Variants in AGMO observed in about 807,000 individuals in gnomAD.
AGMO encodes glyceryl-ether monooxygenase.
Under a neutral mutation model 60.2 loss-of-function variants are expected in AGMO, and 75 were observed. That is an observed-to-expected ratio of 1.25 (90% CI 1.03 to 1.51). The LOEUF is 1.51. Among genes scored for constraint, AGMO ranks in the 40% most tolerant of loss-of-function variants. AGMO has a pLI of 0.00. For synonymous variants in AGMO, 261 were observed against 177.1 expected (o/e 1.47, Z -3.76); for missense variants, 763 against 525.5 (o/e 1.45, Z -4.42).
rs573778663 is a variant in AGMO, at chr7:15,214,905, C to T, written c.1264-13546G>A. 8.5e-5 allele frequency among the ~76,000 whole-genome samples: 13 copies of T among 152,076 alleles called. No individual in the cohort carries two copies. The South Asian group carries it at 2.5e-3, about 29-fold the overall frequency. On this transcript the variant is annotated intron_variant, in intron 12 of 12. Coordinates refer to ENST00000342526, the MANE Select transcript of AGMO (RefSeq NM_001004320.2). ...ATAAAAAGCTTATTTTAAAGCAATG[C>T]TTTAACTGCCTACATCTTTTTGTAT...
intron 12 of AGMO, among the ~76,000 whole-genome samples, chr7:15,327,728 A>C (rs906239606): frequency 7.0e-6 from 1 of 143,288 alleles, no homozygotes; most frequent in African/African-American, 2.6e-5. Flanking sequence ...AAAATGATAA[A>C]CTGATTTCTT....
intron 12 of AGMO, among the ~76,000 whole-genome samples, chr7:15,296,406 A>G (rs942857985): frequency 5.3e-5 from 8 of 152,184 alleles, no homozygotes; most frequent in African/African-American, 1.4e-4. Context: ...TTTTCCAACT[A>G]GAAGCGTGAT....
In AGMO at chr7:15,266,294, C is replaced by T. The variant is rs558699439; in HGVS notation, c.1264-64935G>A. ...AGATGAAAAGAGTTCTGGAGATGGA[C>T]GGTGAAGATGGATGTTCATTATAAA... On this transcript the variant is annotated intron_variant, in intron 12 of 12. Coordinates refer to ENST00000342526, the MANE Select transcript of AGMO (RefSeq NM_001004320.2). Among the ~76,000 whole-genome samples the T allele has an allele frequency of 6.6e-5, 10 of 151,888 alleles. No homozygotes were observed. In the East Asian group the frequency reaches 1.7e-3, roughly 26 times the overall value.
chr7:15,433,320 A>G (rs1781308091), intron 3 of AGMO, among the ~76,000 whole-genome samples: 1 of 152,102 alleles, frequency 6.6e-6, no homozygotes. Flanking sequence ...AAAAGCATTT[A>G]CTTCCTATCA....
intron 12 of AGMO, among the ~76,000 whole-genome samples, chr7:15,240,417 C>G (rs1199247315): frequency 1.3e-5 from 2 of 152,116 alleles, no homozygotes; most frequent in Non-Finnish European, 2.9e-5. Context: ...GAAGCTGAAC[C>G]TACAGAGGAC....
chr7:15,215,364 CTCTTT>C (rs1781706667), intron 12 of AGMO, among the ~76,000 whole-genome samples: 1 of 151,832 alleles, frequency 6.6e-6, no homozygotes, highest in African/African-American at 2.4e-5. Flanking sequence ...TTTTTTTCCT[CTCTTT>C]TTTTTCTTTA....
At chr7:15,356,403 T>A (rs1015859973) in intron 12 of AGMO, among the ~76,000 whole-genome samples, 3 of 152,094 alleles carry the variant, frequency 2.0e-5, no homozygotes, top group Non-Finnish European at 4.4e-5. Flanking sequence ...AAATAAACAT[T>A]TTTGCAGAAA....
In AGMO at chr7:15,556,135, C is replaced by T. The variant is rs1258344153; in HGVS notation, c.257+4006G>A. ...CGTGCCAAGGCCCCTAGTATAAAAA[C>T]CCAGTATACAATTTTTCTTTATTCT... On this transcript the variant is annotated intron_variant, in intron 2 of 12. Transcript: ENST00000342526. Among the ~76,000 whole-genome samples the T allele has an allele frequency of 2.0e-5, 3 of 151,602 alleles. 1 individual carries two copies. The highest frequency in any genetic ancestry group is 1.5e-5 in the Non-Finnish European group (1 of 67,826).
chr7:15,451,988 A>C (rs531684805), intron 3 of AGMO, among the ~76,000 whole-genome samples: 2 of 152,308 alleles, frequency 1.3e-5, no homozygotes, highest in South Asian at 4.1e-4. Flanking sequence ...CTATTGTTAG[A>C]GGTGCATACT....
intron 10 of AGMO, among the ~76,000 whole-genome samples, chr7:15,371,168 G>C (rs191794366): frequency 3.2e-4 from 49 of 152,136 alleles, no homozygotes; most frequent in Admixed American, 1.1e-3. Flanking sequence ...AACCCTAGAA[G>C]AAAACATTAA....
intron 12 of AGMO, chr7:15,306,353 T>C (rs1003572327): frequency 2.6e-5 from 7 of 267,476 alleles, no homozygotes; most frequent in African/African-American, 1.2e-4. Context: ...ACTTCATTCA[T>C]GGATCAAAAA....
rs564163126 is a variant in AGMO, at chr7:15,257,805, T to C, written c.1264-56446A>G. Among the ~76,000 whole-genome samples the C allele has an allele frequency of 2.0e-5, 3 of 152,330 alleles. No individual in the cohort carries two copies. In the East Asian group the frequency reaches 5.8e-4, roughly 29 times the overall value. On this transcript the variant is annotated intron_variant, in intron 12 of 12. Coordinates refer to ENST00000342526, the MANE Select transcript of AGMO (RefSeq NM_001004320.2). ...ATCTAAATGAAATCATATGTTTTCA[T>C]ACCACTTTTTAAAACTTCTGTGTGC...
At chr7:15,460,912 G>T (rs982052026) in intron 3 of AGMO, among the ~76,000 whole-genome samples, 1 of 152,124 alleles carries the variant, frequency 6.6e-6, no homozygotes, top group East Asian at 1.9e-4. Flanking sequence ...AATTATGATA[G>T]TTATATGATT....
At chr7:15,469,597 G>C (rs1220038078) in intron 3 of AGMO, among the ~76,000 whole-genome samples, 1 of 152,128 alleles carries the variant, frequency 6.6e-6, no homozygotes, top group Non-Finnish European at 1.5e-5. Flanking sequence ...GAAATCAAAA[G>C]AGATGAGGGC....
chr7:15,312,563 G>T (rs141307996), intron 12 of AGMO, among the ~76,000 whole-genome samples: 1 of 151,388 alleles, frequency 6.6e-6, no homozygotes, highest in Non-Finnish European at 1.5e-5. Flanking sequence ...AGGTTATCAG[G>T]GGGAGGGACA....
At chr7:15,264,424 G>C (rs1783372452) in intron 12 of AGMO, among the ~76,000 whole-genome samples, 1 of 151,794 alleles carries the variant, frequency 6.6e-6, no homozygotes, top group South Asian at 2.1e-4. Context: ...ATGCACCCTA[G>C]ATTAATTCAT....
chr7:15,304,177 C>T (rs1260794936), intron 12 of AGMO, among the ~76,000 whole-genome samples: 1 of 152,038 alleles, frequency 6.6e-6, no homozygotes, highest in East Asian at 1.9e-4. Flanking sequence ...TGGAAAATTC[C>T]CCCATTACAA....
intron 12 of AGMO, among the ~76,000 whole-genome samples, chr7:15,312,740 T>G (rs1780803805): frequency 6.6e-6 from 1 of 151,486 alleles, no homozygotes; most frequent in Non-Finnish European, 1.5e-5. Flanking sequence ...TGGAGTGCAC[T>G]GGCAATGATG....
intron 2 of AGMO, among the ~76,000 whole-genome samples, chr7:15,553,072 C>CA (rs1399497483): frequency 2.0e-5 from 3 of 148,020 alleles, no homozygotes; most frequent in East Asian, 2.0e-4. Context: ...ATCGCAAGAA[C>CA]AAAAAACCAA....
Sources: allele counts gnomAD v4.1 joint callset (sites outside exome capture counted in the v4.1 genomes callset), GRCh38; gene constraint gnomAD v4.1.1; transcripts MANE v1.5; gene names NCBI Gene and HGNC (gene_info 2026-07-23, HGNC 2026-07-21).